Variants in NFIB observed in about 807,000 individuals in gnomAD.
NFIB encodes the protein nuclear factor 1 B-type.
A neutral mutation model predicts 61.5 loss-of-function variants in NFIB; 11 were observed. The observed-to-expected ratio is 0.18, with a 90% CI of 0.11 to 0.30. The LOEUF (loss-of-function observed/expected upper bound fraction) is 0.30. NFIB is among the 10% of genes least tolerant of loss of function. The pLI, the probability that NFIB is intolerant of heterozygous loss-of-function variation, is 1.00. For synonymous variants in NFIB, 260 were observed against 216.5 expected, an observed-to-expected ratio of 1.20 and a Z score of -1.76; for missense variants, 471 against 608.9, an observed-to-expected ratio of 0.77 and a Z score of 2.38.
At position 14,364,708 on chromosome 9, in the gene NFIB, G is replaced by C. The variant is rs913825383; in HGVS notation, c.108+33816C>G. ...GAGCCAGCCCTTTAAGGAAGAGCAA[G>C]GTTTGCCAATATCCAGTCTTAAAGA... On this transcript the variant is annotated intron_variant, in intron 1 of 8. Coordinates refer to the NFIB transcript ENST00000380934. Among the ~76,000 whole-genome samples, 3 of 152,244 alleles carry C rather than the reference G, an allele frequency of 2.0e-5. No individual in the cohort carries two copies. The East Asian group carries it at 5.8e-4, about 29-fold the overall frequency.
chr9:14,483,563 T>TTTCA, the NFIB span, among the ~76,000 whole-genome samples: 1 of 152,218 alleles, frequency 6.6e-6, no homozygotes, highest in Admixed American at 6.5e-5. Context: ...GTTCTGTGAT[T>TTTCA]TTCATTATTT....
At chr9:14,316,068 G>A (rs1467370045), upstream of NFIB, among the ~76,000 whole-genome samples, 1 of 151,980 alleles carries the variant, frequency 6.6e-6, no homozygotes, top group East Asian at 1.9e-4. Flanking sequence ...TCTGTCCACC[G>A]TCCCCTCTTC....
the NFIB span, among the ~76,000 whole-genome samples, chr9:14,456,767 G>C: frequency 1.3e-5 from 2 of 152,064 alleles, no homozygotes; most frequent in African/African-American, 4.8e-5. Flanking sequence ...TTTTCAATAG[G>C]GGACAATTTG....
chr9:14,164,871 G>A (rs543136118), intron 3 of NFIB, among the ~76,000 whole-genome samples: 63 of 152,114 alleles, frequency 4.1e-4, no homozygotes, highest in Non-Finnish European at 5.4e-4. Context: ...ACCTGGACAT[G>A]AGAACTCTTT....
At chr9:14,288,978 T>C (rs2058894081) in intron 2 of NFIB, among the ~76,000 whole-genome samples, 1 of 151,680 alleles carries the variant, frequency 6.6e-6, no homozygotes, top group South Asian at 2.1e-4. Flanking sequence ...TATATGATGA[T>C]ACATACGGAA....
intron 2 of NFIB, among the ~76,000 whole-genome samples, chr9:14,226,005 T>A (rs1460145365): frequency 6.6e-6 from 1 of 152,186 alleles, no homozygotes; most frequent in Non-Finnish European, 1.5e-5. Flanking sequence ...ATTTAATTAT[T>A]ATAGTCTTTA....
At chr9:14,385,831 G>A (rs1323564426) in intron 1 of NFIB, among the ~76,000 whole-genome samples, 5 of 148,782 alleles carry the variant, frequency 3.4e-5, no homozygotes, top group Non-Finnish European at 7.4e-5. Flanking sequence ...TTCCCAGGCT[G>A]GAGTGCAGTG....
At chr9:14,523,562 C>T in the NFIB span, among the ~76,000 whole-genome samples, 1 of 152,180 alleles carries the variant, frequency 6.6e-6, no homozygotes, top group Non-Finnish European at 1.5e-5. Flanking sequence ...TGACTGAAGC[C>T]TTACACTGGA....
At chr9:14,225,712 T>C (rs1389840982) in intron 2 of NFIB, among the ~76,000 whole-genome samples, 1 of 152,102 alleles carries the variant, frequency 6.6e-6, no homozygotes, top group Non-Finnish European at 1.5e-5. Context: ...AAAGGGAGAT[T>C]TGACTCTATC....
At chr9:14,302,141 G>T (rs1195557725) in intron 2 of NFIB, among the ~76,000 whole-genome samples, 6 of 152,126 alleles carry the variant, frequency 3.9e-5, no homozygotes, top group Non-Finnish European at 1.5e-5. Context: ...TTCCCATAAT[G>T]GGAAATACCT....
chr9:14,226,523 G>C (rs1467804251), intron 2 of NFIB, among the ~76,000 whole-genome samples: 2 of 149,608 alleles, frequency 1.3e-5, no homozygotes, highest in Non-Finnish European at 3.0e-5. Context: ...ACTCCAACCT[G>C]GGCAACAGAG....
the NFIB span, among the ~76,000 whole-genome samples, chr9:14,481,791 T>C: frequency 4.6e-5 from 7 of 152,122 alleles, no homozygotes; most frequent in African/African-American, 2.4e-5. Flanking sequence ...TAAGGCCTTG[T>C]GATCTGTCAA....
At chr9:14,340,975 C>T (rs754632232) in intron 1 of NFIB, among the ~76,000 whole-genome samples, 9 of 151,232 alleles carry the variant, frequency 6.0e-5, no homozygotes, top group African/African-American at 9.7e-5. Context: ...CGTTAATACT[C>T]GTTGTACCCA....
chr9:14,289,235 T>G (rs1370401072), intron 2 of NFIB, among the ~76,000 whole-genome samples: 1 of 149,524 alleles, frequency 6.7e-6, no homozygotes, highest in African/African-American at 2.5e-5. Context: ...TACACATATA[T>G]ATATGCATAC....
upstream of NFIB, chr9:14,314,703 C>A (rs1398597993): frequency 4.2e-5 from 6 of 143,600 alleles, no homozygotes; most frequent in African/African-American, 1.3e-4. Context: ...CCCGCCCCCC[C>A]ACCTTCCTCC....
At chr9:14,487,443 G>C in the NFIB span, among the ~76,000 whole-genome samples, 1 of 152,120 alleles carries the variant, frequency 6.6e-6, no homozygotes, top group South Asian at 2.1e-4. Context: ...AGGTCTTTTG[G>C]GAAGCAAACT....
intron 1 of NFIB, chr9:14,321,795 T>C: frequency 1.9e-6 from 2 of 1,027,448 alleles, no homozygotes; most frequent in Non-Finnish European, 2.5e-6. Flanking sequence ...CCACAACCTG[T>C]AAAACAAAAA....
intron 1 of NFIB, among the ~76,000 whole-genome samples, chr9:14,344,299 T>G: frequency 7.3e-6 from 1 of 136,354 alleles, no homozygotes. Flanking sequence ...GGTGCGAGAG[T>G]GGGGTGAGAG....
intron 2 of NFIB, among the ~76,000 whole-genome samples, chr9:14,218,954 A>G (rs1409750305): frequency 6.6e-6 from 1 of 152,166 alleles, no homozygotes; most frequent in Non-Finnish European, 1.5e-5. Flanking sequence ...GGAACTTAAA[A>G]TCATTCCTCT....
Sources: allele counts gnomAD v4.1 joint callset (sites outside exome capture counted in the v4.1 genomes callset), GRCh38; gene constraint gnomAD v4.1.1; transcripts MANE v1.5; gene names NCBI Gene and HGNC (gene_info 2026-07-23, HGNC 2026-07-21).